The following ANK3 variants were observed in gnomAD, a reference collection of about 807,000 sequenced individuals.
The protein encoded by ANK3 is ankyrin 3, also known as ankyrin-3.
Under a neutral mutation model 370.9 loss-of-function variants are expected in ANK3, and 57 were observed. That is an observed-to-expected ratio of 0.15 (90% confidence interval 0.12 to 0.19). The LOEUF (loss-of-function observed/expected upper bound fraction) is 0.19. Among genes scored for constraint, ANK3 ranks in the 10% least tolerant of loss-of-function variants. ANK3 has a pLI of 1.00. For synonymous variants in ANK3, 1,929 were observed against 1,946.3 expected, an observed-to-expected ratio of 0.99 and a Z score of 0.23; for missense variants, 4,439 against 5,302.1, an observed-to-expected ratio of 0.84 and a Z score of 5.06.
At chr10:60,152,585 T>C (rs560500132) in intron 23 of ANK3, among the ~76,000 whole-genome samples, 1 of 152,344 alleles carries the variant, frequency 6.6e-6, no homozygotes, top group South Asian at 2.1e-4. Flanking sequence ...TTACTCTAAA[T>C]GCAATATAAA....
At chr10:60,595,642 C>T (rs1012684197) in intron 2 of ANK3, among the ~76,000 whole-genome samples, 2 of 152,104 alleles carry the variant, frequency 1.3e-5, no homozygotes, top group Admixed American at 1.3e-4. Flanking sequence ...AATCCTGTGG[C>T]TAATTTGTTA....
intron 2 of ANK3, among the ~76,000 whole-genome samples, chr10:60,395,550 C>CTCTTTCTTTCTTTCTTTCTTTCTT (rs58204421): frequency 6.5e-5 from 7 of 108,376 alleles, no homozygotes; most frequent in Admixed American, 2.1e-4. Flanking sequence ...ACTACTATGC[C>CTCTTTCTTTCTTTCTTTCTTTCTT]TCTTTCTTTC....
At chr10:60,282,789 A>G (rs762829211) in intron 1 of ANK3, among the ~76,000 whole-genome samples, 1 of 152,218 alleles carries the variant, frequency 6.6e-6, no homozygotes, top group Non-Finnish European at 1.5e-5. Flanking sequence ...ACGTATCAAC[A>G]TGCTTACCAC....
In ANK3 at chr10:60,690,293, G is replaced by A. The variant is rs945835213; in HGVS notation, c.57+42970C>T. 1.4e-4 allele frequency among the ~76,000 whole-genome samples: 22 copies of A among 152,116 alleles called. 1 individual carries two copies. The highest frequency in any genetic ancestry group is 2.9e-4 in the Non-Finnish European group (20 of 68,032). The stretch of plus-strand genomic sequence containing the variant: ...AGCAGGGCGGGGCATCACCTCACCC[G>A]GGAAGCACAAGGGGTCAGGGGATTT... On this transcript the variant is annotated intron_variant, in intron 1 of 43. Coordinates refer to the ANK3 transcript ENST00000373827.
intron 1 of ANK3, among the ~76,000 whole-genome samples, chr10:60,296,501 T>A (rs144822414): frequency 8.5e-5 from 13 of 152,318 alleles, no homozygotes; most frequent in Admixed American, 7.2e-4. Flanking sequence ...CAAACATTTT[T>A]AAAAATATTT....
intron 2 of ANK3, among the ~76,000 whole-genome samples, chr10:60,550,261 A>G (rs1211034323): frequency 6.6e-6 from 1 of 151,914 alleles, no homozygotes; most frequent in Non-Finnish European, 1.5e-5. Flanking sequence ...AAAAATATCC[A>G]TGTGTCTTAG....
chr10:60,580,056 G>A (rs2133278385), intron 2 of ANK3, among the ~76,000 whole-genome samples: 1 of 152,224 alleles, frequency 6.6e-6, no homozygotes, highest in Admixed American at 6.5e-5. Flanking sequence ...TTACCAAATT[G>A]ATAAGAAAAA....
At chr10:60,732,181 T>TA (rs576223920) in intron 1 of ANK3, among the ~76,000 whole-genome samples, 190 of 149,336 alleles carry the variant, frequency 1.3e-3, no homozygotes, top group East Asian at 5.7e-3. Context: ...GCCCACGATT[T>TA]AAAAAAAAAA....
chr10:60,209,725 A>T (rs536830066), intron 9 of ANK3, among the ~76,000 whole-genome samples: 100 of 152,356 alleles, frequency 6.6e-4, no homozygotes. Flanking sequence ...TATTCCTGCC[A>T]AAATATTCTT....
intron 13 of ANK3, 136 bp from the exon 14 acceptor site, chr10:60,198,673 T>A: frequency 1.4e-6 from 1 of 726,568 alleles, no homozygotes; most frequent in Non-Finnish European, 2.4e-6. Flanking sequence ...AAAACTCATT[T>A]GTCTTTTTCT....
At chr10:60,414,889 G>A (rs1326349685) in intron 2 of ANK3, among the ~76,000 whole-genome samples, 1 of 152,190 alleles carries the variant, frequency 6.6e-6, no homozygotes, top group Non-Finnish European at 1.5e-5. Context: ...AGGCACTGAA[G>A]ATTAGAGAGG....
At chr10:60,508,974 A>T (rs1326236361) in intron 2 of ANK3, among the ~76,000 whole-genome samples, 3 of 152,150 alleles carry the variant, frequency 2.0e-5, no homozygotes, top group African/African-American at 7.2e-5. Flanking sequence ...GGAAGTGTCT[A>T]ATGATTGTTG....
chr10:60,519,090 G>A (rs1404932109), intron 2 of ANK3, among the ~76,000 whole-genome samples: 1 of 152,108 alleles, frequency 6.6e-6, no homozygotes, highest in African/African-American at 2.4e-5. Flanking sequence ...TTCCCTCCTT[G>A]CTGTAGGCTA....
At chr10:60,620,399 T>C (rs182719158) in intron 1 of ANK3, among the ~76,000 whole-genome samples, 2 of 152,304 alleles carry the variant, frequency 1.3e-5, no homozygotes, top group Admixed American at 1.3e-4. Context: ...ACAAACATTA[T>C]CTTATCTAAT....
chr10:60,349,758 C>T (rs2056473735), intron 1 of ANK3, among the ~76,000 whole-genome samples: 1 of 152,166 alleles, frequency 6.6e-6, no homozygotes, highest in African/African-American at 2.4e-5. Context: ...TAGAGACTCC[C>T]ACCCTCTGTT....
intron 9 of ANK3, 49 bp downstream of exon 9, chr10:60,213,363 C>T (rs368481576): frequency 1.3e-5 from 17 of 1,288,500 alleles, no homozygotes; most frequent in Admixed American, 1.7e-5. Context: ...GATCATATAA[C>T]CATCAAAATA....
upstream of ANK3, among the ~76,000 whole-genome samples, chr10:60,394,142 C>A (rs1327905059): frequency 6.7e-6 from 1 of 148,274 alleles, no homozygotes; most frequent in South Asian, 2.2e-4. Flanking sequence ...GATCCACGAT[C>A]ATTTCATTAA....
chr10:60,460,198 A>T (rs2064847684), intron 2 of ANK3, among the ~76,000 whole-genome samples: 1 of 152,134 alleles, frequency 6.6e-6, no homozygotes, highest in African/African-American at 2.4e-5. Context: ...CAGCAGAAAC[A>T]CCTAAGCTGC....
Position 60,186,900 on chromosome 10 carries a change from G to T in ANK3, c.1900C>A (p.Pro634Thr). The T allele has an allele frequency of 6.2e-7, 1 of 1,614,060 alleles. No individual in the cohort carries two copies. Among genetic ancestry groups the T allele is most frequent in the Non-Finnish European group, 8.5e-7 (1 of 1,179,994 alleles). Residue 634 changes from proline to threonine, a missense_variant, in exon 17 of 44, where the codon CCA becomes ACA. Physicochemically the swap from Pro to Thr is conservative, Grantham distance 38. Transcript: ENST00000280772. ...TTCTTTTTGGCAGCGATGTGCAGTG[G>T]CGTATAACCATTCTGTCAACACAAA... ...PHAAAKNGYT[P>T]LHIAAKKNQM... is the part of the protein sequence containing the mutation.
Sources: allele counts gnomAD v4.1 joint callset (sites outside exome capture counted in the v4.1 genomes callset), GRCh38; gene constraint gnomAD v4.1.1; transcripts MANE v1.5; gene names NCBI Gene and HGNC (gene_info 2026-07-23, HGNC 2026-07-21).